Variants in ABHD17C observed in about 807,000 individuals in gnomAD.
The protein encoded by ABHD17C is alpha/beta hydrolase domain-containing protein 17C.
A neutral mutation model predicts 27.9 loss-of-function variants in ABHD17C; 11 were observed. The ratio of observed to expected loss-of-function variants is 0.39; its 90% confidence interval spans 0.25 to 0.65. ABHD17C has a LOEUF of 0.65. Ranked by LOEUF, ABHD17C falls within the 30% of genes least tolerant of loss-of-function variation. ABHD17C has a pLI of 0.45. For synonymous variants in ABHD17C, 233 were observed against 209.1 expected (o/e 1.11, Z -0.98); for missense variants, 280 against 470.2 (o/e 0.60, Z 3.74).
intron 1 of ABHD17C, among the ~76,000 whole-genome samples, chr15:80,718,242 G>A (rs2141500753): frequency 7.0e-6 from 1 of 143,532 alleles, no homozygotes; most frequent in South Asian, 2.3e-4. Context: ...TCTCTAGCTT[G>A]TAGTTTATTT....
At chr15:80,739,036 A>G (rs28445468) in intron 1 of ABHD17C, among the ~76,000 whole-genome samples, 4,031 of 152,312 alleles carry the variant, frequency 0.026, 203 homozygotes, top group African/African-American at 0.091. Context: ...GGGAGAAGAA[A>G]GAGGAGTGAC....
chr15:80,717,852 G>T (rs539437360), intron 1 of ABHD17C, among the ~76,000 whole-genome samples: 1 of 152,240 alleles, frequency 6.6e-6, no homozygotes, highest in South Asian at 2.1e-4. Context: ...CTCTGAAACA[G>T]AATTTGAAAA....
intron 1 of ABHD17C, among the ~76,000 whole-genome samples, chr15:80,704,053 C>T (rs901309095): frequency 2.0e-5 from 3 of 152,040 alleles, no homozygotes; most frequent in South Asian, 4.2e-4. Flanking sequence ...TGTTCTGTAC[C>T]GTGGATAGCT....
chr15:80,721,327 G>T (rs182517514), intron 1 of ABHD17C, among the ~76,000 whole-genome samples: 2 of 151,278 alleles, frequency 1.3e-5, no homozygotes, highest in East Asian at 1.9e-4. Context: ...CTATATGCTG[G>T]TCCCATACCT....
chr15:80,734,709 C>A (rs1002472555), intron 1 of ABHD17C, among the ~76,000 whole-genome samples: 1 of 152,090 alleles, frequency 6.6e-6, no homozygotes, highest in African/African-American at 2.4e-5. Flanking sequence ...TAAAGTATTA[C>A]ATTCTTTTGA....
In ABHD17C at chr15:80,726,519, T is replaced by G. The variant is rs1393177680; in HGVS notation, c.591-22994T>G. Among the ~76,000 whole-genome samples, 374 of 141,072 alleles carry G rather than the reference T, an allele frequency of 2.7e-3. 8 individuals are homozygous for G. Among genetic ancestry groups the G allele is most frequent in the African/African-American group, 8.4e-3 (307 of 36,490 alleles). The allele number at this position is 141,072 out of a possible 152,430, so 92.5% of individuals were successfully genotyped here. ...TTTTCTGGTTTTTTTTTTTTTTTTT[T>G]TTTTTTTTTTGAGACGGAGCCTTGC... On this transcript the variant is annotated intron_variant, in intron 1 of 2. Transcript: ENST00000258884.
intron 2 of ABHD17C, 65 bp downstream of exon 2, chr15:80,749,757 C>CATAA: frequency 6.6e-7 from 1 of 1,517,576 alleles, no homozygotes; most frequent in South Asian, 1.2e-5. Context: ...CTGATGCTCC[C>CATAA]ATAAATATCT....
At chr15:80,707,104 TTAA>T (rs985990971) in intron 1 of ABHD17C, among the ~76,000 whole-genome samples, 3 of 152,160 alleles carry the variant, frequency 2.0e-5, no homozygotes, top group African/African-American at 7.2e-5. Context: ...AAAAAGCAGA[TTAA>T]TAGGAGAAAT....
Position 80,700,265 on chromosome 15 carries a change from A to G in ABHD17C, c.590+4246A>G, listed in dbSNP as rs180987363. ...TTGAAACTATAAACCCAAACAAGCA[A>G]ATAGCCCGAAGAATGAGGTGTAAAG... On this transcript the variant is annotated intron_variant, in intron 1 of 2. Transcript: ENST00000258884. Among the ~76,000 whole-genome samples, 4 of 152,308 alleles carry G rather than the reference A, an allele frequency of 2.6e-5. No homozygotes were observed. The East Asian group carries it at 7.7e-4, about 29-fold the overall frequency.
intron 1 of ABHD17C, among the ~76,000 whole-genome samples, chr15:80,745,689 C>G (rs556336749): frequency 7.2e-5 from 11 of 152,282 alleles, no homozygotes; most frequent in Admixed American, 2.6e-4. Flanking sequence ...CTTTAAGATT[C>G]ACTGGTGGTG....
intron 1 of ABHD17C, among the ~76,000 whole-genome samples, chr15:80,705,333 T>TTTGTGTGTG (rs10523879): frequency 9.4e-5 from 10 of 106,822 alleles, no homozygotes; most frequent in Non-Finnish European, 1.2e-4. Context: ...TTCCTATGAT[T>TTTGTGTGTG]TGTGTGTGTG....
chr15:80,705,464 C>G (rs1894635245), intron 1 of ABHD17C, among the ~76,000 whole-genome samples: 1 of 151,866 alleles, frequency 6.6e-6, no homozygotes, highest in Non-Finnish European at 1.5e-5. Flanking sequence ...CATTTTGAGC[C>G]TCAGTTAAAA....
At chr15:80,702,491 A>AT (rs1306790289) in intron 1 of ABHD17C, among the ~76,000 whole-genome samples, 2 of 152,076 alleles carry the variant, frequency 1.3e-5, no homozygotes, top group Non-Finnish European at 2.9e-5. Flanking sequence ...TGTAGAAAGC[A>AT]TTTTTTTCCC....
chr15:80,701,698 G>A (rs1420088977), intron 1 of ABHD17C, among the ~76,000 whole-genome samples: 2 of 151,376 alleles, frequency 1.3e-5, no homozygotes. Flanking sequence ...AAAAACAAAT[G>A]TTATGAATAC....
At chr15:80,729,649 G>C (rs1895029464) in intron 1 of ABHD17C, among the ~76,000 whole-genome samples, 1 of 152,152 alleles carries the variant, frequency 6.6e-6, no homozygotes, top group Non-Finnish European at 1.5e-5. Context: ...AACTAAAAAA[G>C]CATGGTAAAT....
At chr15:80,697,924 C>A (rs551191637) in intron 1 of ABHD17C, among the ~76,000 whole-genome samples, 1 of 152,290 alleles carries the variant, frequency 6.6e-6, no homozygotes, top group South Asian at 2.1e-4. Flanking sequence ...TGACTGTAAC[C>A]TCACAGTAAG....
At chr15:80,725,377 A>C (rs1241759709) in intron 1 of ABHD17C, among the ~76,000 whole-genome samples, 1 of 152,194 alleles carries the variant, frequency 6.6e-6, no homozygotes, top group East Asian at 1.9e-4. Flanking sequence ...CTGTGTGATT[A>C]TCTGCAGGTT....
At chr15:80,702,828 T>G (rs1894592307) in intron 1 of ABHD17C, 1 of 152,084 alleles carries the variant, frequency 6.6e-6, no homozygotes, top group African/African-American at 2.4e-5. Flanking sequence ...GATAACAGAG[T>G]GCTTTTTTTT....
intron 1 of ABHD17C, among the ~76,000 whole-genome samples, chr15:80,698,814 C>T (rs191468596): frequency 1.3e-5 from 2 of 152,204 alleles, no homozygotes; most frequent in Non-Finnish European, 2.9e-5. Context: ...ACTCTGTTTT[C>T]CACCAGCCAT....
Sources: gnomAD v4.1 joint callset for allele counts (sites outside exome capture counted in the v4.1 genomes callset) on GRCh38, gnomAD v4.1.1 for gene constraint, MANE v1.5 for transcripts, NCBI Gene and HGNC (gene_info 2026-07-23, HGNC 2026-07-21) for gene names.